GAK: variants seen among roughly 807,000 people sequenced by gnomAD.
GAK encodes cyclin-G-associated kinase.
A neutral mutation model predicts 143.9 loss-of-function variants in GAK; 79 were observed. That is an observed-to-expected ratio of 0.55 (90% CI 0.46 to 0.66). The LOEUF (loss-of-function observed/expected upper bound fraction) is 0.66. GAK is among the 30% of genes least tolerant of loss of function. GAK has a pLI of 0.00. For missense variants in GAK, 1,693 were observed against 1,779.7 expected, an observed-to-expected ratio of 0.95 and a Z score of 0.88; for synonymous variants, 881 against 765.5, an observed-to-expected ratio of 1.15 and a Z score of -2.49.
At chr4:925,997 G>A (rs899924668) in intron 1 of GAK, among the ~76,000 whole-genome samples, 1 of 152,074 alleles carries the variant, frequency 6.6e-6, no homozygotes, top group African/African-American at 2.4e-5. Context: ...TCCCCCAGTG[G>A]TGAGCCCACC....
intron 23 of GAK, 124 bp downstream of exon 23, chr4:864,998 C>A (rs1750904432): frequency 1.5e-6 from 2 of 1,325,672 alleles, no homozygotes; most frequent in Non-Finnish European, 2.0e-6. Context: ...CACCACCAAG[C>A]ACGCCCCAGC....
intron 1 of GAK, chr4:915,742 G>C (rs1344813336): frequency 6.6e-6 from 1 of 152,204 alleles, no homozygotes; most frequent in Non-Finnish European, 1.5e-5. Flanking sequence ...ATCTGTGAGA[G>C]ACCAACAGGA....
At chr4:898,302 C>T (rs1010320898) in intron 5 of GAK, 144 bp from the exon 6 acceptor site, 2 of 761,936 alleles carry the variant, frequency 2.6e-6, no homozygotes, top group Non-Finnish European at 4.2e-6. Flanking sequence ...CCTGCAGCAC[C>T]TCACACCTGC....
At chr4:920,520 G>A (rs1723740345) in intron 1 of GAK, among the ~76,000 whole-genome samples, 1 of 147,514 alleles carries the variant, frequency 6.8e-6, no homozygotes, top group African/African-American at 2.5e-5. Context: ...TACCAAAATT[G>A]TGAAAAAGGT....
At chr4:888,561 G>A (rs930896608) in intron 11 of GAK, 3 of 414,206 alleles carry the variant, frequency 7.2e-6, no homozygotes, top group East Asian at 4.9e-5. Context: ...AGCCAGGAAC[G>A]CCCCAGAGTG....
At chr4:926,086 A>G (rs13114777) in intron 1 of GAK, among the ~76,000 whole-genome samples, 24 of 148,366 alleles carry the variant, frequency 1.6e-4, no homozygotes, top group African/African-American at 5.3e-4. Context: ...TGACCTCCCC[A>G]AACGTCTAAT....
intron 23 of GAK, among the ~76,000 whole-genome samples, chr4:864,284 C>T (rs559278113): frequency 1.3e-5 from 2 of 152,220 alleles, no homozygotes; most frequent in South Asian, 4.1e-4. Flanking sequence ...TCGCTTGAGC[C>T]CAGGAGGTCA....
chr4:867,453 C>T, intron 20 of GAK, 21 bp from the exon 21 acceptor site: 1 of 1,510,250 alleles, frequency 6.6e-7, no homozygotes, highest in East Asian at 2.3e-5. Context: ...GAAACAAAAC[C>T]ACAGGCTAGT....
At chr4:877,551 C>CT in intron 16 of GAK, 64 bp downstream of exon 16, 6 of 1,497,118 alleles carry the variant, frequency 4.0e-6, no homozygotes, top group African/African-American at 1.4e-5. Flanking sequence ...CAGGGTTCCT[C>CT]TTTAACGGTT....
chr4:872,002 T>G (rs1216728907), intron 18 of GAK, among the ~76,000 whole-genome samples: 2 of 152,178 alleles, frequency 1.3e-5, no homozygotes, highest in Admixed American at 1.3e-4. Flanking sequence ...GGCGGCCAGT[T>G]CCTGGGAAAC....
chr4:887,333 TCA>T, intron 11 of GAK: 1 of 140,618 alleles, frequency 7.1e-6, no homozygotes, highest in Non-Finnish European at 1.6e-5. Flanking sequence ...CGGCTCATGC[TCA>T]CTCACAGGCA....
Position 882,725 on chromosome 4 carries a change from T to C in GAK, c.1499A>G (p.His500Arg), listed in dbSNP as rs1457470673. 6.2e-7 allele frequency: 1 copy of C among 1,612,718 alleles called. No homozygotes were observed. The highest frequency in any genetic ancestry group is 1.1e-5 in the South Asian group (1 of 91,062). ...GCAGTGCACGACGCAGACGTTCTTG[T>C]GGTCCTGCCGCAGCCAGGCGTGCAT... ...RNMHAWLRQD[H>R]KNVCVVHCMD... The change falls in exon 14 of 28, where the codon CAC becomes CGC. Residue 500 changes from histidine to arginine, a missense_variant. Physicochemically the swap from His to Arg is conservative, Grantham distance 29. Coordinates refer to ENST00000314167, the MANE Select transcript of GAK (RefSeq NM_005255.4).
intron 5 of GAK, among the ~76,000 whole-genome samples, chr4:901,100 T>C (rs1292764637): frequency 6.6e-6 from 1 of 152,218 alleles, no homozygotes; most frequent in Admixed American, 6.5e-5. Flanking sequence ...AGTAGGAGTG[T>C]ACAGCCAAGT....
At chr4:924,127 G>A (rs185731705) in intron 1 of GAK, among the ~76,000 whole-genome samples, 1 of 147,736 alleles carries the variant, frequency 6.8e-6, no homozygotes. Context: ...GGAGCTTGCC[G>A]TGAGCCAAGA....
intron 24 of GAK, among the ~76,000 whole-genome samples, chr4:857,628 G>A (rs1030854091): frequency 1.3e-5 from 2 of 152,090 alleles, no homozygotes; most frequent in Non-Finnish European, 2.9e-5. Flanking sequence ...TAGAGCCTGC[G>A]GGGTCTGCAG....
In GAK at chr4:877,149, C is replaced by T; in HGVS notation, c.1915G>A (p.Asp639Asn). The change falls in exon 17 of 28, where the codon GAC becomes AAC. Residue 639 changes from aspartate (D) to asparagine (N), a missense_variant. Transcript: ENST00000314167. Reference sequence around the variant, plus strand: ...GCGTGATAGATGACGATGAGCACGTCTCCTTGCACCGTGACGCCCAGGGGA... The same window carrying T: ...GCGTGATAGATGACGATGAGCACGTTTCCTTGCACCGTGACGCCCAGGGGA... ...VIPLGVTVQGDVLIVIYHARS... is the reference protein window; with the variant it reads ...VIPLGVTVQGNVLIVIYHARS... 1 of 1,614,096 alleles carries T rather than the reference C, an allele frequency of 6.2e-7. No individual in the cohort carries two copies. Among genetic ancestry groups the T allele is most frequent in the South Asian group, 1.1e-5 (1 of 91,082 alleles).
At chr4:917,454 ACAGT>A (rs1398136372) in intron 1 of GAK, among the ~76,000 whole-genome samples, 3 of 152,262 alleles carry the variant, frequency 2.0e-5, no homozygotes, top group African/African-American at 7.2e-5. Flanking sequence ...ATATACACAT[ACAGT>A]CAGTGTACAG....
intron 1 of GAK, among the ~76,000 whole-genome samples, chr4:923,823 T>A (rs1724254862): frequency 6.6e-6 from 1 of 152,138 alleles, no homozygotes. Flanking sequence ...CTTTCTCACA[T>A]AAATTATATA....
chr4:864,987 G>A (rs1243866923), intron 23 of GAK, 135 bp downstream of exon 23: 8 of 1,234,760 alleles, frequency 6.5e-6, no homozygotes, highest in South Asian at 1.6e-5. Context: ...TGCGGAGCCC[G>A]CACCACCAAG....
Sources: gnomAD v4.1 joint callset for allele counts (sites outside exome capture counted in the v4.1 genomes callset) on GRCh38, gnomAD v4.1.1 for gene constraint, MANE v1.5 for transcripts, NCBI Gene and HGNC (gene_info 2026-07-23, HGNC 2026-07-21) for gene names.